The following BTN3A1 variants were observed in gnomAD, a reference collection of about 807,000 sequenced individuals.
BTN3A1 encodes dJ45P21.3 (butyrophilin, subfamily 3, member A1).
In BTN3A1, 24 loss-of-function variants were observed where a neutral mutation model predicts 43.0. The observed-to-expected ratio is 0.56, with a 90% CI of 0.40 to 0.78. BTN3A1 has a LOEUF of 0.78. Ranked by LOEUF, BTN3A1 falls within the 30% of genes least tolerant of loss-of-function variation. The pLI is 0.00. For missense variants in BTN3A1, 533 were observed against 626.2 expected, an observed-to-expected ratio of 0.85 and a Z score of 1.59; for synonymous variants, 181 against 234.7, an observed-to-expected ratio of 0.77 and a Z score of 2.09.
intron 2 of BTN3A1, 94 bp from the exon 3 acceptor site, chr6:26,405,815 C>T: frequency 6.2e-7 from 1 of 1,605,812 alleles, no homozygotes; most frequent in Non-Finnish European, 8.5e-7. Context: ...CCACCAGTTT[C>T]TTTGTATCTC....
intron 2 of BTN3A1, 40 bp from the exon 3 acceptor site, chr6:26,405,868 CT>C: frequency 6.2e-7 from 1 of 1,613,254 alleles, no homozygotes; most frequent in East Asian, 2.2e-5. Context: ...ATGACCCCAA[CT>C]CCAAAACCCT....
At position 26,413,220 on chromosome 6, in the gene BTN3A1, A is replaced by G. The variant is rs1351884136; in HGVS notation, c.1070A>G (p.Glu357Gly). The change falls in exon 10 of 10, where the codon GAG (glutamate) becomes GGG (glycine). Residue 357 changes from glutamate (E) to glycine (G), a missense_variant. By Grantham distance (98) the Glu-to-Gly change is moderately conservative. This residue lies in a region of BTN3A1 where 415 missense variants were observed against 427.0 expected (regional missense o/e 0.97). Transcript: ENST00000289361. ...KTANPILLVS[E>G]DQRSVQRAKE... The stretch of plus-strand genomic sequence containing the variant: ...GCAAACCCCATCCTCCTTGTTTCTG[A>G]GGACCAGAGGAGTGTGCAGCGTGCC... The G allele has an allele frequency of 6.2e-7, 1 of 1,613,982 alleles. No individual in the cohort carries two copies. The highest frequency in any genetic ancestry group is 1.3e-5 in the African/African-American group (1 of 74,932).
intron 1 of BTN3A1, among the ~76,000 whole-genome samples, chr6:26,403,735 G>T (rs1455078832): frequency 6.6e-6 from 1 of 151,974 alleles, no homozygotes; most frequent in African/African-American, 2.4e-5. Context: ...TGTTGACCAG[G>T]CTGGTCTTGA....
chr6:26,412,626 T>C (rs1220545274), intron 9 of BTN3A1: 1 of 1,548,510 alleles, frequency 6.5e-7, no homozygotes, highest in African/African-American at 1.4e-5. Flanking sequence ...GCTTCCTTCA[T>C]GGCCTGCTGT....
intron 9 of BTN3A1, chr6:26,412,293 G>A (rs1762246691): frequency 9.9e-6 from 6 of 606,566 alleles, no homozygotes; most frequent in Non-Finnish European, 1.8e-5. Flanking sequence ...TCAAAGAGAG[G>A]GCTCCCTGAG....
chr6:26,413,847 C>A lies in BTN3A1; in HGVS notation c.*155C>A. On this transcript the variant is annotated 3_prime_UTR_variant, in exon 10 of 10. Coordinates refer to ENST00000289361, the MANE Select transcript of BTN3A1 (RefSeq NM_007048.6). Reference sequence around the variant, plus strand: ...CCAGCTCAGAGCTGAGGGCCTCCCCCTCCACAGCAACCAATCACAACCATA... The same window carrying A: ...CCAGCTCAGAGCTGAGGGCCTCCCCATCCACAGCAACCAATCACAACCATA... 2.8e-6 allele frequency: 4 copies of A among 1,424,106 alleles called. No homozygotes were observed. The highest frequency in any genetic ancestry group is 2.3e-5 in the East Asian group (1 of 43,388). 88.2% of individuals were successfully genotyped at this position (1,424,106 alleles called of 1,614,324 possible).
At chr6:26,410,217 A>C (rs1369328985) in intron 7 of BTN3A1, among the ~76,000 whole-genome samples, 185 bp downstream of exon 7, 1 of 152,048 alleles carries the variant, frequency 6.6e-6, no homozygotes, top group Non-Finnish European at 1.5e-5. Context: ...AAAGAGAAGA[A>C]AGGAAAAAAG....
chr6:26,410,642 C>A (rs985256825), intron 7 of BTN3A1, among the ~76,000 whole-genome samples: 3 of 151,704 alleles, frequency 2.0e-5, no homozygotes, highest in Non-Finnish European at 4.4e-5. Context: ...TTAAATTTCC[C>A]AAATTCTTTT....
At position 26,405,526 on chromosome 6, in the gene BTN3A1, G is replaced by GC. The variant is rs754288032; in HGVS notation, c.-32dup. 34 of 1,584,142 alleles carry GC rather than the reference G, an allele frequency of 2.1e-5. No homozygotes were observed. In the East Asian group the frequency reaches 7.4e-4, roughly 34 times the overall value. ...TAGCTTCTTCCAGGTCATAGTGTCT[G>GC]CCCCCCACCTTCCAGTATCTCCTGA... On this transcript the variant is annotated 5_prime_UTR_variant, in exon 2 of 10. Transcript: ENST00000289361.
chr6:26,407,181 G>A (rs906321033), intron 3 of BTN3A1, among the ~76,000 whole-genome samples: 1 of 152,178 alleles, frequency 6.6e-6, no homozygotes, highest in African/African-American at 2.4e-5. Flanking sequence ...TCCTGTTGCT[G>A]CTTCCAGATA....
chr6:26,411,496 C>CAGTGGGGAAAAGTACAAGAATACTGA, intron 8 of BTN3A1, 59 bp from the exon 9 acceptor site: 2 of 1,559,798 alleles, frequency 1.3e-6, no homozygotes, highest in South Asian at 2.2e-5. Context: ...GGGGAGAGTG[C>CAGTGGGGAAAAGTACAAGAATACTGA]AGTGGGGAAA....
chr6:26,412,430 C>T (rs1302227098), intron 9 of BTN3A1: 1 of 1,302,638 alleles, frequency 7.7e-7, no homozygotes, highest in South Asian at 1.3e-5. Context: ...ATTGGCCAAA[C>T]CCAACAGCAA....
chr6:26,409,781 G>A, intron 5 of BTN3A1, 48 bp downstream of exon 5: 3 of 1,593,288 alleles, frequency 1.9e-6, no homozygotes, highest in Non-Finnish European at 1.7e-6. Context: ...ACGGGCCAAA[G>A]CCCAAAGACC....
chr6:26,407,755 C>A lies in BTN3A1; in HGVS notation c.518C>A (p.Pro173His). ...GAGTGCAGGTCCACTGGCTGGTACCCCCAACCCCAAATACAGTGGAGCAAC... is the reference window on the plus strand; with the variant it reads ...GAGTGCAGGTCCACTGGCTGGTACCACCAACCCCAAATACAGTGGAGCAAC... ...HLECRSTGWY[P>H]QPQIQWSNNK... The change falls in exon 4 of 10, where the codon CCC becomes CAC. Residue 173 changes from proline (P) to histidine (H), a missense_variant. Coordinates refer to ENST00000289361, the MANE Select transcript of BTN3A1 (RefSeq NM_007048.6). The A allele has an allele frequency of 6.2e-7, 1 of 1,614,180 alleles. No homozygotes were observed. The highest frequency in any genetic ancestry group is 8.5e-7 in the Non-Finnish European group (1 of 1,180,022).
In BTN3A1 at chr6:26,409,794, A is replaced by G; in HGVS notation, c.916+61A>G. ...TTACGGGCCAAAGCCCAAAGACCTC[A>G]CGCCCATCCCCACCGCAGAGCTCAG... is the stretch of plus-strand genomic sequence containing the variant. On this transcript the variant is annotated intron_variant, in intron 5 of 9. Coordinates refer to ENST00000289361, the MANE Select transcript of BTN3A1 (RefSeq NM_007048.6). 6.9e-6 allele frequency: 11 copies of G among 1,604,154 alleles called. 1 individual carries two copies. The highest frequency in any genetic ancestry group is 6.0e-6 in the Non-Finnish European group (7 of 1,175,482).
intron 4 of BTN3A1, 115 bp downstream of exon 4, chr6:26,408,067 G>C (rs1209285744): frequency 6.7e-7 from 1 of 1,495,806 alleles, no homozygotes; most frequent in East Asian, 2.3e-5. Flanking sequence ...AAGGCCCAAA[G>C]CACAGACCTG....
intron 9 of BTN3A1, 133 bp downstream of exon 9, chr6:26,411,714 A>T (rs1762226915): frequency 8.6e-7 from 1 of 1,159,514 alleles, no homozygotes; most frequent in African/African-American, 1.6e-5. Context: ...GGTAGGCAAC[A>T]TTAAATTCCA....
chr6:26,412,820 A>T (rs1581634026), intron 9 of BTN3A1: 1 of 1,549,404 alleles, frequency 6.5e-7, no homozygotes, highest in Admixed American at 2.0e-5. Context: ...GAAGGTTGAA[A>T]ATTAACCTCT....
Position 26,413,390 on chromosome 6 carries a change from A to G in BTN3A1, c.1240A>G (p.Lys414Glu). The change falls in exon 10 of 10, where the codon AAG becomes GAG. Residue 414 changes from lysine (K) to glutamate (E), a missense_variant. By Grantham distance (56) the Lys-to-Glu change is moderately conservative. Coordinates refer to ENST00000289361, the MANE Select transcript of BTN3A1 (RefSeq NM_007048.6). ...AGAGTGGCATATAGGGGTGTGCAGT[A>G]AGAATGTGCAGAGAAAAGGCTGGGT... ...RKEWHIGVCSKNVQRKGWVKM... is the reference protein window; with the variant it reads ...RKEWHIGVCSENVQRKGWVKM... The G allele has an allele frequency of 1.2e-6, 2 of 1,613,872 alleles. No homozygotes were observed. Among genetic ancestry groups the G allele is most frequent in the Middle Eastern group, 1.6e-4 (1 of 6,062 alleles).
Sources: gnomAD v4.1 joint callset for allele counts (sites outside exome capture counted in the v4.1 genomes callset) on GRCh38, gnomAD v4.1.1 for gene constraint, gnomAD v4.1.1 regional missense constraint, MANE v1.5 for transcripts, NCBI Gene and HGNC (gene_info 2026-07-23, HGNC 2026-07-21) for gene names.